The following ALG6 variants were observed in gnomAD, a reference collection of about 807,000 sequenced individuals.
ALG6 encodes the protein dolichyl pyrophosphate Man9GlcNAc2 alpha-1,3-glucosyltransferase.
ALG6 carries 46 observed loss-of-function variants against 66.6 expected under a neutral mutation model. That is an observed-to-expected ratio of 0.69 (90% CI 0.55 to 0.88). ALG6 has a LOEUF of 0.88. ALG6 is among the 40% of genes least tolerant of loss of function. The probability of loss-of-function intolerance (pLI) is 0.00; values close to 1 mark genes in which losing one functional copy is unlikely to be tolerated. For synonymous variants in ALG6, 185 were observed against 203.7 expected (o/e 0.91, Z 0.78); for missense variants, 505 against 586.8 (o/e 0.86, Z 1.44).
Position 63,438,031 on chromosome 1 carries a change from C to T in ALG6, c.*1011C>T, listed in dbSNP as rs1644696432. On this transcript the variant is annotated 3_prime_UTR_variant, in exon 15 of 15. Transcript: ENST00000263440. ...CTCTGTAATAAAGATAATCATTTTCCCATCAACATTTTTTAAGGAATATAT... is the reference window on the plus strand; with the variant it reads ...CTCTGTAATAAAGATAATCATTTTCTCATCAACATTTTTTAAGGAATATAT... 1 of 151,908 alleles carries T rather than the reference C, an allele frequency of 6.6e-6. No homozygotes were observed. The highest frequency in any genetic ancestry group is 1.5e-5 in the Non-Finnish European group (1 of 67,974). 9.4% of individuals were successfully genotyped at this position (151,908 alleles called of 1,614,324 possible).
chr1:63,390,759 C>T (rs1362369932), intron 2 of ALG6, among the ~76,000 whole-genome samples: 1 of 152,184 alleles, frequency 6.6e-6, no homozygotes, highest in African/African-American at 2.4e-5. Context: ...CCCTGTGTTG[C>T]TTTCTGCTGT....
intron 10 of ALG6, among the ~76,000 whole-genome samples, chr1:63,415,145 C>A (rs77993812): frequency 0.036 from 5,510 of 152,164 alleles, 372 homozygotes; most frequent in African/African-American, 0.13. Context: ...CAAAGGCATA[C>A]AGGAAGGGAA....
Position 63,415,678 on chromosome 1 carries a change from GTA to G in ALG6, c.903-183_903-182del, listed in dbSNP as rs10567757. ...CTATATTATGTAATCGTGTATAAAAGTATATATATATATCAATGTGTAGATTT... is the reference window on the plus strand; with the variant it reads ...CTATATTATGTAATCGTGTATAAAAGTATATATATATCAATGTGTAGATTT... On this transcript the variant is annotated intron_variant, in intron 10 of 14. Transcript: ENST00000263440. Among the ~76,000 whole-genome samples, 53,277 of 151,156 alleles carry G rather than the reference GTA, an allele frequency of 0.35. 9,561 individuals are homozygous for G. Among genetic ancestry groups the G allele is most frequent in the East Asian group, 0.48 (2,490 of 5,152 alleles).
At chr1:63,422,274 T>TAG (rs1644585504) in intron 12 of ALG6, among the ~76,000 whole-genome samples, 6 of 39,476 alleles carry the variant, frequency 1.5e-4, no homozygotes, top group African/African-American at 9.3e-4. Context: ...TATAAATATA[T>TAG]ATATAAATAT....
At chr1:63,401,829 T>C (rs1327533529) in intron 3 of ALG6, among the ~76,000 whole-genome samples, 1 of 152,206 alleles carries the variant, frequency 6.6e-6, no homozygotes, top group East Asian at 1.9e-4. Flanking sequence ...AACTTAACTT[T>C]TAGTTCTCGA....
chr1:63,386,820 C>T (rs1009143244), intron 2 of ALG6, among the ~76,000 whole-genome samples: 2 of 151,932 alleles, frequency 1.3e-5, no homozygotes, highest in African/African-American at 4.8e-5. Flanking sequence ...ACTATTTCTT[C>T]TACTAATTTT....
chr1:63,418,890 C>T (rs1354738165), intron 11 of ALG6, among the ~76,000 whole-genome samples: 1 of 152,182 alleles, frequency 6.6e-6, no homozygotes, highest in Non-Finnish European at 1.5e-5. Flanking sequence ...AGAATATAAA[C>T]TTCTCAAAAT....
In ALG6 at chr1:63,438,037, A is replaced by G. The variant is rs1644696463; in HGVS notation, c.*1017A>G. On this transcript the variant is annotated 3_prime_UTR_variant, in exon 15 of 15. Coordinates refer to ENST00000263440, the MANE Select transcript of ALG6 (RefSeq NM_013339.4). ...AATAAAGATAATCATTTTCCCATCA[A>G]CATTTTTTAAGGAATATATTTCTTC... 1 of 152,136 alleles carries G rather than the reference A, an allele frequency of 6.6e-6. No individual in the cohort carries two copies. 9.4% of individuals were successfully genotyped at this position (152,136 alleles called of 1,614,324 possible).
intron 2 of ALG6, among the ~76,000 whole-genome samples, chr1:63,382,643 T>TC (rs1185177461): frequency 2.0e-5 from 1 of 50,256 alleles, no homozygotes; most frequent in African/African-American, 1.3e-4. Flanking sequence ...CTGGCTAAGT[T>TC]TTTTTTTGTT....
intron 14 of ALG6, among the ~76,000 whole-genome samples, chr1:63,431,481 A>G (rs1035131575): frequency 6.6e-6 from 1 of 152,046 alleles, no homozygotes; most frequent in Non-Finnish European, 1.5e-5. Context: ...CAATGGTGTG[A>G]TCTTGGCTCA....
intron 14 of ALG6, 31 bp from the exon 15 acceptor site, chr1:63,436,792 T>C: frequency 6.2e-7 from 1 of 1,601,054 alleles, no homozygotes; most frequent in Non-Finnish European, 8.6e-7. Flanking sequence ...TCACCTTTTA[T>C]ACTACTCAGT....
Position 63,385,184 on chromosome 1 carries a change from C to CT in ALG6, c.83-11296dup, listed in dbSNP as rs1165046824. ...TTTTTATTAAGATCTTTTACTTCTT[C>CT]TTTTTTTTTTTTTTTTTTTTTTTTT... On this transcript the variant is annotated intron_variant, in intron 2 of 14. Coordinates refer to ENST00000263440, the MANE Select transcript of ALG6 (RefSeq NM_013339.4). 3.3e-3 allele frequency among the ~76,000 whole-genome samples: 193 copies of CT among 58,874 alleles called. 22 individuals carry two copies. The highest frequency in any genetic ancestry group is 4.4e-3 in the East Asian group (8 of 1,830). The allele number at this position is 58,874 out of a possible 152,430, so 38.6% of individuals were successfully genotyped here.
intron 12 of ALG6, among the ~76,000 whole-genome samples, chr1:63,425,087 T>TA (rs1644608279): frequency 6.6e-6 from 1 of 152,144 alleles, no homozygotes; most frequent in African/African-American, 2.4e-5. Context: ...GTTGAGTTTT[T>TA]ATATATGGTG....
chr1:63,402,452 G>A, intron 4 of ALG6, 109 bp downstream of exon 4: 1 of 537,798 alleles, frequency 1.9e-6, no homozygotes, highest in South Asian at 2.1e-5. Flanking sequence ...GCTTGTAGCT[G>A]CTATTGTATT....
chr1:63,399,357 T>G (rs1644432188), intron 3 of ALG6, among the ~76,000 whole-genome samples: 1 of 152,188 alleles, frequency 6.6e-6, no homozygotes, highest in Non-Finnish European at 1.5e-5. Flanking sequence ...TTGTATTAGT[T>G]AGATGCAAAT....
rs1470985629 is a variant in ALG6, at chr1:63,406,374, T to C, written c.404T>C (p.Leu135Ser). The change falls in exon 6 of 15, where the codon TTA (leucine) becomes TCA (serine). Residue 135 changes from leucine (L) to serine (S), a missense_variant. Leu to Ser is a moderately radical substitution (Grantham distance 145). Coordinates refer to ENST00000263440, the MANE Select transcript of ALG6 (RefSeq NM_013339.4). ...GCAGTGGTTTTGTACTGTTGTTGCT[T>C]AAAAGAAATCTCAACTAAGAAAAAG... ...IPAVVLYCCC[L>S]KEISTKKKIA... The C allele has an allele frequency of 1.9e-6, 3 of 1,613,166 alleles. No homozygotes were observed. The African/African-American group carries it at 4.0e-5, about 22-fold the overall frequency.
chr1:63,383,779 G>A (rs1002796767), intron 2 of ALG6, among the ~76,000 whole-genome samples: 3 of 151,714 alleles, frequency 2.0e-5, no homozygotes, highest in African/African-American at 4.8e-5. Flanking sequence ...TATTCATTCC[G>A]TGTAATTATA....
chr1:63,434,593 A>T (rs923628302), intron 14 of ALG6, among the ~76,000 whole-genome samples: 2 of 136,382 alleles, frequency 1.5e-5, no homozygotes, highest in African/African-American at 5.2e-5. Context: ...TAAACTTCTT[A>T]AAACCTGGAG....
At chr1:63,393,492 G>A (rs756379049) in intron 2 of ALG6, among the ~76,000 whole-genome samples, 9 of 152,198 alleles carry the variant, frequency 5.9e-5, no homozygotes, top group Non-Finnish European at 1.2e-4. Context: ...TAAGTATTGT[G>A]AGAAGTCAGT....
Sources: allele counts gnomAD v4.1 joint callset (sites outside exome capture counted in the v4.1 genomes callset), GRCh38; gene constraint gnomAD v4.1.1; transcripts MANE v1.5; gene names NCBI Gene and HGNC (gene_info 2026-07-23, HGNC 2026-07-21).